ELMOD2: variants seen among roughly 807,000 people sequenced by gnomAD.
ELMOD2 encodes ELMO domain containing 2.
A neutral mutation model predicts 41.0 loss-of-function variants in ELMOD2; 28 were observed. The observed-to-expected ratio is 0.68, with a 90% confidence interval of 0.51 to 0.94. ELMOD2 has a LOEUF of 0.94. Among genes scored for constraint, ELMOD2 ranks in the 40% least tolerant of loss-of-function variants. The pLI, the probability that ELMOD2 is intolerant of heterozygous loss-of-function variation, is 0.00. For missense variants in ELMOD2, 333 were observed against 343.1 expected, an observed-to-expected ratio of 0.97 and a Z score of 0.23; for synonymous variants, 106 against 107.2, an observed-to-expected ratio of 0.99 and a Z score of 0.07.
intron 8 of ELMOD2, among the ~76,000 whole-genome samples, chr4:140,546,451 G>A (rs984001718): frequency 6.6e-6 from 1 of 151,532 alleles, no homozygotes; most frequent in African/African-American, 2.4e-5. Context: ...AAACCTACAC[G>A]TTGTGCACAT....
rs56301474 is a variant in ELMOD2 at position 140,532,166 on chromosome 4, G to GTT, written c.172-3552_172-3551dup. 1.2e-3 allele frequency among the ~76,000 whole-genome samples: 169 copies of GTT among 137,632 alleles called. 2 individuals are homozygous for GTT. Among genetic ancestry groups the GTT allele is most frequent in the East Asian group, 5.3e-3 (25 of 4,692 alleles). 90.3% of individuals were successfully genotyped at this position (137,632 alleles called of 152,430 possible). A position where few individuals can be genotyped will look rare whatever the true frequency, so the allele number is the denominator to read the frequency against. ...AAAGGATAATATGTCATGTTGAGTT[G>GTT]TTTTTTTTTTTTTTTTGATACAGAG... On this transcript the variant is annotated intron_variant, in intron 3 of 8. Transcript: ENST00000323570.
chr4:140,537,446 A>G lies in ELMOD2; in HGVS notation c.304A>G (p.Ile102Val). The change falls in exon 5 of 9, where the codon ATA becomes GTA. Residue 102 changes from isoleucine to valine, a missense_variant. Transcript: ENST00000323570. ...KICMKMCLLQ[I>V]TGYKQLYLDV... ...ATGCATGAAGATGTGCTTACTGCAGATAACTGGTTATAAACAGCTGTATTT... is the reference window on the plus strand; with the variant it reads ...ATGCATGAAGATGTGCTTACTGCAGGTAACTGGTTATAAACAGCTGTATTT... 2 of 1,558,866 alleles carry G rather than the reference A, an allele frequency of 1.3e-6. No individual in the cohort carries two copies. The highest frequency in any genetic ancestry group is 2.5e-5 in the East Asian group (1 of 40,658).
At chr4:140,542,190 TGTA>T (rs1382850101) in intron 6 of ELMOD2, among the ~76,000 whole-genome samples, 1 of 151,866 alleles carries the variant, frequency 6.6e-6, no homozygotes, top group Non-Finnish European at 1.5e-5. Context: ...AGACTTAAAT[TGTA>T]GTAGAAGGAA....
At chr4:140,537,777 GAATA>G (rs1006194751) in intron 5 of ELMOD2, among the ~76,000 whole-genome samples, 8 of 150,082 alleles carry the variant, frequency 5.3e-5, no homozygotes, top group Admixed American at 2.0e-4. Flanking sequence ...ATATTTATAT[GAATA>G]AATATATTCA....
chr4:140,529,439 A>G (rs1734670806), intron 3 of ELMOD2, among the ~76,000 whole-genome samples: 1 of 152,180 alleles, frequency 6.6e-6, no homozygotes. Flanking sequence ...TCTTTATGTT[A>G]TACCCACAAT....
At chr4:140,538,668 C>T (rs757588556) in intron 5 of ELMOD2, among the ~76,000 whole-genome samples, 5 of 152,084 alleles carry the variant, frequency 3.3e-5, no homozygotes, top group Admixed American at 2.0e-4. Context: ...CCCTCTAGTC[C>T]AGGGAATTTT....
At chr4:140,524,741 T>C in intron 1 of ELMOD2, 4 of 608,968 alleles carry the variant, frequency 6.6e-6, no homozygotes, top group Non-Finnish European at 8.2e-6. Context: ...CACTAGTATC[T>C]CCCTGACTTT....
At chr4:140,550,123 A>G (rs749629235) in intron 8 of ELMOD2, 107 bp from the exon 9 acceptor site, 20 of 946,640 alleles carry the variant, frequency 2.1e-5, no homozygotes, top group Non-Finnish European at 3.1e-5. Flanking sequence ...TGATTATTGT[A>G]TTCTAATATG....
intron 6 of ELMOD2, among the ~76,000 whole-genome samples, chr4:140,542,256 T>C (rs1055687700): frequency 1.3e-5 from 2 of 151,074 alleles, no homozygotes; most frequent in African/African-American, 2.4e-5. Flanking sequence ...GACTCTTTCA[T>C]AGAAATAGAA....
At chr4:140,530,507 A>G (rs527513762) in intron 3 of ELMOD2, among the ~76,000 whole-genome samples, 3 of 152,280 alleles carry the variant, frequency 2.0e-5, no homozygotes, top group South Asian at 4.1e-4. Context: ...GAAAAATAAA[A>G]TGTTCATCAT....
intron 3 of ELMOD2, among the ~76,000 whole-genome samples, chr4:140,534,416 A>G (rs1380755932): frequency 6.6e-6 from 1 of 152,196 alleles, no homozygotes; most frequent in African/African-American, 2.4e-5. Context: ...AAAGGGGCAT[A>G]AACGAACTTT....
intron 5 of ELMOD2, among the ~76,000 whole-genome samples, chr4:140,539,448 G>A (rs1262127527): frequency 2.6e-5 from 4 of 151,160 alleles, no homozygotes; most frequent in Non-Finnish European, 4.4e-5. Flanking sequence ...TGCAAGCTCC[G>A]CCTCCCGGGT....
intron 8 of ELMOD2, among the ~76,000 whole-genome samples, chr4:140,548,170 A>G (rs972873854): frequency 6.6e-6 from 1 of 152,196 alleles, no homozygotes; most frequent in African/African-American, 2.4e-5. Flanking sequence ...ACTGACAGTA[A>G]TGAAAAAGCA....
chr4:140,542,980 G>C (rs1735156627), intron 7 of ELMOD2, among the ~76,000 whole-genome samples: 1 of 151,906 alleles, frequency 6.6e-6, no homozygotes, highest in South Asian at 2.1e-4. Flanking sequence ...AAATTGTAAA[G>C]TGAAATTCAA....
At chr4:140,542,536 G>T in intron 6 of ELMOD2, 38 bp from the exon 7 acceptor site, 1 of 1,456,314 alleles carries the variant, frequency 6.9e-7, no homozygotes. Context: ...CATTTGAATG[G>T]CGTACATTTG....
rs774352395 is a variant in ELMOD2 at position 140,550,338 on chromosome 4, T to C, written c.845T>C (p.Leu282Ser). 6.2e-7 allele frequency: 1 copy of C among 1,610,774 alleles called. No individual in the cohort carries two copies. The highest frequency in any genetic ancestry group is 8.5e-7 in the Non-Finnish European group (1 of 1,178,288). ...TTTCATGAAAAGATTAAAGGACTTT[T>C]ACTGGATTGTAATGTAGCACTTACT... ...EKFHEKIKGLLLDCNVALTLK... is the reference protein window; with the variant it reads ...EKFHEKIKGLSLDCNVALTLK... The change falls in exon 9 of 9, where the codon TTA (leucine) becomes TCA (serine). Residue 282 changes from leucine to serine, a missense_variant. Transcript: ENST00000323570.
chr4:140,535,320 A>G (rs993298666), intron 3 of ELMOD2: 16 of 161,862 alleles, frequency 9.9e-5, no homozygotes, highest in Non-Finnish European at 1.9e-4. Flanking sequence ...GTTTTTGTCA[A>G]TGCCAGTTTG....
At chr4:140,530,501 AAT>A (rs2110828448) in intron 3 of ELMOD2, among the ~76,000 whole-genome samples, 1 of 152,312 alleles carries the variant, frequency 6.6e-6, no homozygotes, top group East Asian at 1.9e-4. Context: ...GTTAAAGAAA[AAT>A]AAAATGTTCA....
At chr4:140,537,343 C>A in intron 4 of ELMOD2, 69 bp from the exon 5 acceptor site, 1 of 1,326,190 alleles carries the variant, frequency 7.5e-7, no homozygotes, top group Non-Finnish European at 9.8e-7. Flanking sequence ...GACATATGAA[C>A]CACAAGCTAT....
Sources: gnomAD v4.1 joint callset for allele counts (sites outside exome capture counted in the v4.1 genomes callset) on GRCh38, gnomAD v4.1.1 for gene constraint, MANE v1.5 for transcripts, NCBI Gene and HGNC (gene_info 2026-07-23, HGNC 2026-07-21) for gene names.